Variants in CCDC141 observed in about 807,000 individuals in gnomAD.
The protein encoded by CCDC141 is coiled-coil domain-containing protein 141.
A neutral mutation model predicts 181.0 loss-of-function variants in CCDC141; 168 were observed. That is an observed-to-expected ratio of 0.93 (90% CI 0.82 to 1.05). The LOEUF (loss-of-function observed/expected upper bound fraction) is 1.05, where lower values mean the gene tolerates loss of function less well. Ranked by LOEUF, CCDC141 falls within the 50% of genes least tolerant of loss-of-function variation. The pLI is 0.00. For missense variants in CCDC141, 1,902 were observed against 1,788.5 expected (o/e 1.06, Z -1.14); for synonymous variants, 666 against 642.3 (o/e 1.04, Z -0.56).
intron 4 of CCDC141, among the ~76,000 whole-genome samples, chr2:178,974,289 A>G (rs1360235849): frequency 1.3e-5 from 2 of 152,176 alleles, no homozygotes; most frequent in African/African-American, 2.4e-5. Flanking sequence ...AATTCAAGAA[A>G]CCTTTCTATC....
At chr2:178,824,509 C>T in the CCDC141 span, among the ~76,000 whole-genome samples, 1 of 150,254 alleles carries the variant, frequency 6.7e-6, no homozygotes, top group Non-Finnish European at 1.5e-5. Context: ...GTGCCAGCTA[C>T]TCAGGAGGCT....
rs1035439858 is a variant in CCDC141 at position 178,832,178 on chromosome 2, C to T, written c.*1995G>A. 1.3e-5 allele frequency: 2 copies of T among 152,088 alleles called. No individual in the cohort carries two copies. The highest frequency in any genetic ancestry group is 6.6e-5 in the Admixed American group (1 of 15,260). The allele number at this position is 152,088 out of a possible 1,614,324, so 9.4% of individuals were successfully genotyped here. ...TACTCTTTAGCTTCAACGTGGGCAA[C>T]AGCAGTTAGGCAAGATTCACACATT... is the stretch of plus-strand genomic sequence containing the variant. On this transcript the variant is annotated 3_prime_UTR_variant, in exon 24 of 24. Coordinates refer to ENST00000443758, the MANE Select transcript of CCDC141 (RefSeq NM_173648.4).
chr2:178,828,355 A>G (rs964976789), downstream of CCDC141, among the ~76,000 whole-genome samples: 5 of 152,032 alleles, frequency 3.3e-5, no homozygotes, highest in Non-Finnish European at 7.4e-5. Context: ...CACCACCCCT[A>G]AGTGGAACAT....
At chr2:178,821,334 T>A in the CCDC141 span, among the ~76,000 whole-genome samples, 12 of 152,302 alleles carry the variant, frequency 7.9e-5, no homozygotes, top group African/African-American at 2.4e-4. Context: ...GCAAACAAAA[T>A]TATTACCTTA....
At chr2:178,973,519 G>A (rs1200580396) in intron 4 of CCDC141, among the ~76,000 whole-genome samples, 2 of 152,150 alleles carry the variant, frequency 1.3e-5, no homozygotes, top group Non-Finnish European at 2.9e-5. Context: ...CCAAAGAAGT[G>A]CAAACAAAGC....
chr2:178,953,981 A>G (rs1483639282), intron 5 of CCDC141, among the ~76,000 whole-genome samples: 2 of 152,192 alleles, frequency 1.3e-5, no homozygotes, highest in African/African-American at 2.4e-5. Flanking sequence ...TATGATACAC[A>G]TTTCACTCAA....
rs543415426 is a variant in CCDC141, at chr2:179,009,883, C to T, written c.226-31208G>A. ...GATCAGAGAAAGGTGAAGCCCAATG[C>T]AAGGAAATCCAAAACATGATACAAG... On this transcript the variant is annotated intron_variant, in intron 2 of 23. Transcript: ENST00000443758. Among the ~76,000 whole-genome samples, 16 of 151,972 alleles carry T rather than the reference C, an allele frequency of 1.1e-4. 1 individual carries two copies. Among genetic ancestry groups the T allele is most frequent in the African/African-American group, 3.9e-4 (16 of 41,454 alleles).
At chr2:178,955,013 G>A (rs1408353376) in intron 5 of CCDC141, among the ~76,000 whole-genome samples, 4 of 152,082 alleles carry the variant, frequency 2.6e-5, no homozygotes, top group African/African-American at 4.8e-5. Flanking sequence ...GGCCAGGCAC[G>A]GTGGCTCATG....
chr2:178,869,625 T>C (rs1044767287), intron 14 of CCDC141, among the ~76,000 whole-genome samples: 5 of 152,246 alleles, frequency 3.3e-5, no homozygotes, highest in Non-Finnish European at 5.9e-5. Context: ...GTATTTTAGA[T>C]ATTTTATGCA....
the CCDC141 span, chr2:178,817,604 G>A: frequency 6.4e-6 from 3 of 470,532 alleles, no homozygotes; most frequent in Non-Finnish European, 1.3e-5. Flanking sequence ...ACACTGTGCA[G>A]TGTGGAAGCA....
intron 17 of CCDC141, among the ~76,000 whole-genome samples, chr2:178,858,506 T>C (rs1374527727): frequency 1.3e-5 from 2 of 152,286 alleles, no homozygotes; most frequent in East Asian, 3.9e-4. Context: ...TACTATTTAA[T>C]GAGTGCAGAG....
chr2:178,826,575 AGTT>A (rs1684128622), downstream of CCDC141, among the ~76,000 whole-genome samples: 1 of 152,082 alleles, frequency 6.6e-6, no homozygotes, highest in Non-Finnish European at 1.5e-5. Context: ...TTTTTTGGAA[AGTT>A]GTTAATTATT....
At chr2:178,901,753 C>A (rs1336009642) in intron 8 of CCDC141, among the ~76,000 whole-genome samples, 2 of 151,386 alleles carry the variant, frequency 1.3e-5, no homozygotes, top group Admixed American at 1.3e-4. Context: ...GAAGTTCTGG[C>A]CAGGGCAATT....
At chr2:179,011,085 G>A (rs2154384379) in intron 2 of CCDC141, among the ~76,000 whole-genome samples, 1 of 150,986 alleles carries the variant, frequency 6.6e-6, no homozygotes, top group South Asian at 2.1e-4. Flanking sequence ...TTGAACCTGG[G>A]AGGCAGAGGT....
At chr2:178,953,914 A>G (rs1050003834) in intron 5 of CCDC141, among the ~76,000 whole-genome samples, 1 of 152,354 alleles carries the variant, frequency 6.6e-6, no homozygotes. Context: ...CTATGCTCAT[A>G]TATGTCATCT....
intron 5 of CCDC141, among the ~76,000 whole-genome samples, chr2:178,952,733 A>C (rs183824274): frequency 4.1e-4 from 63 of 152,248 alleles, no homozygotes; most frequent in Non-Finnish European, 7.7e-4. Flanking sequence ...TCTGTGATAA[A>C]TTTTCATCTA....
rs144989694 is a variant in CCDC141 at position 178,850,217 on chromosome 2, A to C, written c.3245-56T>G. On this transcript the variant is annotated intron_variant, in intron 20 of 23. Coordinates refer to ENST00000443758, the MANE Select transcript of CCDC141 (RefSeq NM_173648.4). Reference sequence around the variant, plus strand: ...AAGGTCAAATTTTTAGCAAGAAGAAAAGTCCAGGTATAAATTCATCTCCCT... The same window carrying C: ...AAGGTCAAATTTTTAGCAAGAAGAACAGTCCAGGTATAAATTCATCTCCCT... The C allele has an allele frequency of 2.9e-3, 2,565 of 869,990 alleles. 35 individuals are homozygous for C. The highest frequency in any genetic ancestry group is 0.017 in the South Asian group (1,251 of 71,812). The allele number at this position is 869,990 out of a possible 1,614,324, so 53.9% of individuals were successfully genotyped here. A position where few individuals can be genotyped will look rare whatever the true frequency, so the allele number is the denominator to read the frequency against.
At chr2:178,857,874 G>C (rs181562278) in intron 17 of CCDC141, among the ~76,000 whole-genome samples, 1 of 152,126 alleles carries the variant, frequency 6.6e-6, no homozygotes, top group Non-Finnish European at 1.5e-5. Context: ...AAATATACTT[G>C]CCCTACAAAA....
intron 3 of CCDC141, among the ~76,000 whole-genome samples, chr2:178,976,197 G>A (rs35233376): frequency 4.9e-4 from 75 of 152,110 alleles, no homozygotes; most frequent in African/African-American, 1.6e-3. Context: ...TTAGCACTAA[G>A]ATTCAACAGT....
Sources: gnomAD v4.1 joint callset for allele counts (sites outside exome capture counted in the v4.1 genomes callset) on GRCh38, gnomAD v4.1.1 for gene constraint, MANE v1.5 for transcripts, NCBI Gene and HGNC (gene_info 2026-07-23, HGNC 2026-07-21) for gene names.